KANSL1: variants seen among roughly 807,000 people sequenced by gnomAD.
KANSL1 encodes the protein KAT8 regulatory NSL complex subunit 1.
Under a neutral mutation model 103.6 loss-of-function variants are expected in KANSL1, and 22 were observed. The ratio of observed to expected loss-of-function variants is 0.21; its 90% CI spans 0.15 to 0.30. The LOEUF (loss-of-function observed/expected upper bound fraction) is 0.30. KANSL1 is among the 10% of genes least tolerant of loss of function. KANSL1 has a pLI of 1.00. For missense variants in KANSL1, 1,337 were observed against 1,399.8 expected (o/e 0.96, Z 0.72); for synonymous variants, 600 against 527.6 (o/e 1.14, Z -1.88).
At chr17:46,111,795 A>G (rs189527112) in intron 2 of KANSL1, among the ~76,000 whole-genome samples, 9 of 152,336 alleles carry the variant, frequency 5.9e-5, no homozygotes, top group Admixed American at 2.6e-4. Flanking sequence ...CTACACACAA[A>G]AATAAATCTA....
At chr17:46,201,033 G>A (rs1457722111) in intron 1 of KANSL1, among the ~76,000 whole-genome samples, 1 of 151,948 alleles carries the variant, frequency 6.6e-6, no homozygotes, top group Non-Finnish European at 1.5e-5. Context: ...TACCTCAGCT[G>A]CCCAAGTAGG....
At chr17:46,067,448 G>T (rs964269161) in intron 5 of KANSL1, 101 bp downstream of exon 5, 2 of 749,134 alleles carry the variant, frequency 2.7e-6, no homozygotes, top group Non-Finnish European at 2.4e-6. Context: ...TAAGGCTTCC[G>T]CTTCTTTAAA....
At chr17:46,182,294 C>T (rs1234358670) in intron 1 of KANSL1, among the ~76,000 whole-genome samples, 1 of 152,152 alleles carries the variant, frequency 6.6e-6, no homozygotes, top group Non-Finnish European at 1.5e-5. Context: ...GCATGATCCA[C>T]AAAACAACTT....
chr17:46,057,631 G>T (rs2077980878), intron 6 of KANSL1, among the ~76,000 whole-genome samples: 1 of 151,994 alleles, frequency 6.6e-6, no homozygotes, highest in Non-Finnish European at 1.5e-5. Context: ...ACTAAAACTG[G>T]ACTTATTCAC....
intron 2 of KANSL1, among the ~76,000 whole-genome samples, chr17:46,154,901 C>T (rs985411972): frequency 6.6e-6 from 1 of 152,108 alleles, no homozygotes; most frequent in African/African-American, 2.4e-5. Context: ...ACCACACTGG[C>T]CTCAAAGTCC....
chr17:46,037,165 G>C (rs933399424), intron 10 of KANSL1, among the ~76,000 whole-genome samples: 2 of 152,184 alleles, frequency 1.3e-5, no homozygotes, highest in Non-Finnish European at 2.9e-5. Flanking sequence ...TCCAGACACA[G>C]AAATATTGAA....
chr17:46,147,577 A>ATT, intron 2 of KANSL1, among the ~76,000 whole-genome samples: 2 of 109,850 alleles, frequency 1.8e-5, no homozygotes, highest in Non-Finnish European at 2.3e-5. Context: ...CTCTTTAAAA[A>ATT]AAAAAAAAAA....
intron 2 of KANSL1, 113 bp from the exon 3 acceptor site, chr17:46,094,814 T>G (rs755213401): frequency 1.6e-6 from 2 of 1,272,136 alleles, no homozygotes; most frequent in East Asian, 2.4e-5. Flanking sequence ...CTAACTCTAG[T>G]GTCAAGAAAA....
intron 6 of KANSL1, among the ~76,000 whole-genome samples, chr17:46,061,794 A>G (rs2078165513): frequency 6.6e-6 from 1 of 152,104 alleles, no homozygotes; most frequent in African/African-American, 2.4e-5. Flanking sequence ...CATCCCAAAC[A>G]TAATAGTTAC....
At chr17:46,107,675 G>A (rs1163336439) in intron 2 of KANSL1, among the ~76,000 whole-genome samples, 1 of 151,956 alleles carries the variant, frequency 6.6e-6, no homozygotes, top group Non-Finnish European at 1.5e-5. Flanking sequence ...AGCTGAAATC[G>A]CTCCCCTCAA....
intron 2 of KANSL1, among the ~76,000 whole-genome samples, chr17:46,107,760 G>T (rs1463843055): frequency 6.6e-6 from 1 of 152,040 alleles, no homozygotes; most frequent in Admixed American, 6.6e-5. Flanking sequence ...AACTTTACAT[G>T]ATCAAAATGA....
In KANSL1 at chr17:46,079,368, C is replaced by CA. The variant is rs577682767; in HGVS notation, c.1533+3072dup. On this transcript the variant is annotated intron_variant, in intron 4 of 14. Transcript: ENST00000432791. ...AGTGTACCACTGGGACATTACCTAA[C>CA]AAGCCCACCCAGGAAACATCTGACT... 2.2e-3 allele frequency among the ~76,000 whole-genome samples: 337 copies of CA among 152,322 alleles called. 4 individuals carry two copies. The highest frequency in any genetic ancestry group is 1.8e-3 in the Non-Finnish European group (123 of 68,026).
chr17:46,149,387 A>C (rs2044944826), intron 2 of KANSL1, among the ~76,000 whole-genome samples: 1 of 152,240 alleles, frequency 6.6e-6, no homozygotes, highest in South Asian at 2.1e-4. Flanking sequence ...TAACCAGAAC[A>C]ACAATGAACA....
At chr17:46,095,637 TAAAAG>T (rs1351532691) in intron 2 of KANSL1, among the ~76,000 whole-genome samples, 3 of 152,228 alleles carry the variant, frequency 2.0e-5, no homozygotes, top group Admixed American at 1.3e-4. Flanking sequence ...CAGCCAAACT[TAAAAG>T]AATATCTTCG....
intron 6 of KANSL1, among the ~76,000 whole-genome samples, chr17:46,062,134 A>AAAAAAAAAAAAAAAAAAAAAAAAAAAAC (rs67483415): frequency 3.8e-5 from 5 of 132,748 alleles, no homozygotes; most frequent in Non-Finnish European, 8.2e-5. Context: ...AAAAAAAAAA[A>AAAAAAAAAAAAAAAAAAAAAAAAAAAAC]CATGTTACAG....
chr17:46,055,817 A>G (rs1003843706), intron 6 of KANSL1, among the ~76,000 whole-genome samples: 1 of 152,182 alleles, frequency 6.6e-6, no homozygotes, highest in Admixed American at 6.5e-5. Context: ...AAAATTGACC[A>G]AAGTATATAT....
At chr17:46,040,703 G>C (rs1174404230) in intron 7 of KANSL1, 1 of 152,194 alleles carries the variant, frequency 6.6e-6, no homozygotes, top group Non-Finnish European at 1.5e-5. Context: ...CAACAAACTT[G>C]TGGTATTACA....
intron 2 of KANSL1, among the ~76,000 whole-genome samples, chr17:46,166,676 G>T (rs1426425717): frequency 6.6e-6 from 1 of 152,134 alleles, no homozygotes; most frequent in African/African-American, 2.4e-5. Flanking sequence ...ACACAGGTTA[G>T]CATAAATTCA....
rs781594360 is a variant in KANSL1, at chr17:46,039,132, C to A, written c.2287G>T (p.Val763Leu). ...DVGAVPMVER[V>L]TAPKAERLLN... is the part of the protein sequence containing the mutation. ...AAGCGCTCTGCTTTTGGCGCTGTCA[C>A]TCGCTCCACCATGGGCACGGCCCCC... Residue 763 changes from valine (V) to leucine (L), a missense_variant, in exon 9 of 15, where the codon GTG becomes TTG. Val to Leu is a conservative substitution (Grantham distance 32, BLOSUM62 1). Coordinates refer to ENST00000432791, the MANE Select transcript of KANSL1 (RefSeq NM_015443.4). 5.0e-6 allele frequency: 8 copies of A among 1,612,414 alleles called. No individual in the cohort carries two copies. The highest frequency in any genetic ancestry group is 6.8e-6 in the Non-Finnish European group (8 of 1,179,710).
Sources: allele counts gnomAD v4.1 joint callset (sites outside exome capture counted in the v4.1 genomes callset), GRCh38; gene constraint gnomAD v4.1.1; transcripts MANE v1.5; gene names NCBI Gene and HGNC (gene_info 2026-07-23, HGNC 2026-07-21).